The following ABR variants were observed in gnomAD, a reference collection of about 807,000 sequenced individuals.
ABR encodes the protein active breakpoint cluster region-related protein.
Under a neutral mutation model 107.2 loss-of-function variants are expected in ABR, and 35 were observed. The observed-to-expected ratio is 0.33, with a 90% CI of 0.25 to 0.43. The LOEUF (loss-of-function observed/expected upper bound fraction) is 0.43, where lower values mean the gene tolerates loss of function less well. ABR is among the 20% of genes least tolerant of loss of function. ABR has a pLI of 1.00. For synonymous variants in ABR, 498 were observed against 462.0 expected (o/e 1.08, Z -1.00); for missense variants, 815 against 1,115.2 (o/e 0.73, Z 3.83).
chr17:1,069,938 C>T, intron 9 of ABR, 31 bp downstream of exon 9: 1 of 1,586,284 alleles, frequency 6.3e-7, no homozygotes, highest in Non-Finnish European at 8.6e-7. Context: ...ACCCCCTCCC[C>T]CGCCCCGTGC....
At chr17:1,091,598 G>A in intron 4 of ABR, 67 bp downstream of exon 4, 1 of 1,544,742 alleles carries the variant, frequency 6.5e-7, no homozygotes, top group Non-Finnish European at 8.8e-7. Context: ...CCTCTCCTGA[G>A]GCTCCTGCAA....
chr17:1,015,436 G>T (rs1385221117), intron 16 of ABR, among the ~76,000 whole-genome samples: 2 of 131,394 alleles, frequency 1.5e-5, no homozygotes, highest in Non-Finnish European at 3.2e-5. Flanking sequence ...AAAAAAAAAA[G>T]TAAGCCGACA....
At position 1,027,705 on chromosome 17, in the gene ABR, G is replaced by A. The variant is rs933981627; in HGVS notation, c.1792-14541C>T. Among the ~76,000 whole-genome samples the A allele has an allele frequency of 1.3e-5, 2 of 152,056 alleles. No homozygotes were observed. The highest frequency in any genetic ancestry group is 4.8e-5 in the African/African-American group (2 of 41,384). On this transcript the variant is annotated intron_variant, in intron 16 of 22. Transcript: ENST00000302538. This position sits in a 1 kb window ranked among gnomAD's most constrained non-coding sequence, Gnocchi z 4.7. ...TAGGGGCCTCCAGCTCTCGGGGGAG[G>A]CAGCACTGTAGTCCCCTGTCTGTGG...
intron 1 of ABR, among the ~76,000 whole-genome samples, chr17:1,137,230 G>C (rs1374472469): frequency 6.6e-6 from 1 of 152,068 alleles, no homozygotes; most frequent in Non-Finnish European, 1.5e-5. Flanking sequence ...TTTTAGTAGC[G>C]ATGGGGTTTC....
intron 10 of ABR, among the ~76,000 whole-genome samples, chr17:1,062,090 G>A (rs920150980): frequency 1.3e-5 from 2 of 152,212 alleles, no homozygotes; most frequent in East Asian, 1.9e-4. Context: ...GGCCTAAGCT[G>A]AACCTGAGAG....
intron 1 of ABR, among the ~76,000 whole-genome samples, chr17:1,146,652 TGCCACCACTGCCACCAG>T (rs1195890768): frequency 1.4e-4 from 6 of 41,978 alleles, no homozygotes; most frequent in African/African-American, 2.1e-4. Context: ...CACTGCCACA[TGCCACCACTGCCACCAG>T]GCCACCACTG....
At chr17:1,101,727 A>C (rs796260396) in intron 2 of ABR, among the ~76,000 whole-genome samples, 55 of 144,804 alleles carry the variant, frequency 3.8e-4, no homozygotes, top group African/African-American at 1.1e-3. Flanking sequence ...AAAGACATTT[A>C]TTTTTTCTTT....
chr17:1,008,441 CCA>C lies in ABR; in HGVS notation c.2343-1131_2343-1130del, dbSNP rs200502266. 1.9e-3 allele frequency among the ~76,000 whole-genome samples: 292 copies of C among 152,312 alleles called. 2 individuals are homozygous for C. Among genetic ancestry groups the C allele is most frequent in the East Asian group, 0.015 (79 of 5,172 alleles). On this transcript the variant is annotated intron_variant, in intron 21 of 22. Coordinates refer to ENST00000302538, the MANE Select transcript of ABR (RefSeq NM_021962.5). ...GCTGTGCAGCGGGGCCAGCCCCTCA[CCA>C]CACGCGCGCACACGGTCCAGCCAGG...
intron 2 of ABR, among the ~76,000 whole-genome samples, chr17:1,110,482 A>G (rs62067939): frequency 0.047 from 7,197 of 152,310 alleles, 221 homozygotes; most frequent in Middle Eastern, 0.1. Context: ...TCTGTTCAAA[A>G]TAAGCTAAAA....
intron 7 of ABR, among the ~76,000 whole-genome samples, chr17:1,073,102 C>T (rs951323589): frequency 7.3e-5 from 11 of 151,154 alleles, no homozygotes; most frequent in African/African-American, 2.7e-4. Flanking sequence ...ATTGCTTGAA[C>T]CCAGGAGGCA....
At chr17:1,077,664 C>T (rs1244382457) in intron 6 of ABR, among the ~76,000 whole-genome samples, 1 of 152,166 alleles carries the variant, frequency 6.6e-6, no homozygotes, top group Non-Finnish European at 1.5e-5. Context: ...GGAAACCTGC[C>T]ATCTCTCTTC....
intron 1 of ABR, among the ~76,000 whole-genome samples, chr17:1,129,674 C>A (rs114802605): frequency 6.6e-6 from 1 of 152,146 alleles, no homozygotes; most frequent in Non-Finnish European, 1.5e-5. Flanking sequence ...ATGGGCTGAA[C>A]GCGGTGGCTC....
Position 1,051,884 on chromosome 17 carries a change from A to G in ABR, c.1562-1250T>C, listed in dbSNP as rs1031496930. The stretch of plus-strand genomic sequence containing the variant: ...AGGTCAGGAGTTTGAGACCAGCCTG[A>G]CCAACATGGTGAAACCCCATCTCTA... On this transcript the variant is annotated intron_variant, in intron 14 of 22. Coordinates refer to ENST00000302538, the MANE Select transcript of ABR (RefSeq NM_021962.5). This position sits in a 1 kb window ranked among gnomAD's most constrained non-coding sequence, Gnocchi z 4.3. Among the ~76,000 whole-genome samples the G allele has an allele frequency of 6.6e-6, 1 of 151,782 alleles. No individual in the cohort carries two copies. Among genetic ancestry groups the G allele is most frequent in the Non-Finnish European group, 1.5e-5 (1 of 67,914 alleles).
At chr17:1,123,158 A>C (rs1350943293) in intron 2 of ABR, among the ~76,000 whole-genome samples, 1 of 151,466 alleles carries the variant, frequency 6.6e-6, no homozygotes, top group African/African-American at 2.4e-5. Context: ...CCGGTGACCC[A>C]GCAGAAAGGG....
chr17:1,039,276 G>A (rs1048058360), intron 16 of ABR, among the ~76,000 whole-genome samples: 4 of 151,952 alleles, frequency 2.6e-5, no homozygotes, highest in African/African-American at 9.7e-5. Context: ...AGGGGAGCGG[G>A]GGGAGCCGAC....
chr17:1,136,901 A>G (rs1426948271), intron 1 of ABR, among the ~76,000 whole-genome samples: 1 of 152,024 alleles, frequency 6.6e-6, no homozygotes, highest in Non-Finnish European at 1.5e-5. Flanking sequence ...AATTTCCTTA[A>G]AACACTTTTC....
chr17:1,164,791 G>A (rs138896010), intron 1 of ABR, among the ~76,000 whole-genome samples: 181 of 152,062 alleles, frequency 1.2e-3, no homozygotes, highest in East Asian at 5.2e-3. Context: ...CTCAGCCTCC[G>A]TAGGAGCTGG....
At chr17:1,020,052 C>T (rs1044007304) in intron 16 of ABR, among the ~76,000 whole-genome samples, 4 of 152,148 alleles carry the variant, frequency 2.6e-5, no homozygotes, top group East Asian at 3.9e-4. Flanking sequence ...ACGACTGGGC[C>T]GTACATGGTC....
chr17:1,031,584 GC>G, intron 16 of ABR: 1 of 787,690 alleles, frequency 1.3e-6, no homozygotes, highest in Non-Finnish European at 1.5e-6. Flanking sequence ...GGAACCTCCA[GC>G]CCCCGCGGGC....
Sources: allele counts gnomAD v4.1 joint callset (sites outside exome capture counted in the v4.1 genomes callset), GRCh38; gene constraint gnomAD v4.1.1; non-coding constraint Gnocchi (gnomAD v3.1); transcripts MANE v1.5; gene names NCBI Gene and HGNC (gene_info 2026-07-23, HGNC 2026-07-21).